KSR1: variants seen among roughly 807,000 people sequenced by gnomAD.
The protein encoded by KSR1 is kinase suppressor of ras 1.
In KSR1, 35 loss-of-function variants were observed where a neutral mutation model predicts 92.9. That is an observed-to-expected ratio of 0.38 (90% CI 0.29 to 0.50). The LOEUF is 0.50. Ranked by LOEUF, KSR1 falls within the 20% of genes least tolerant of loss-of-function variation. The pLI is 0.94. For missense variants in KSR1, 972 were observed against 1,158.5 expected (o/e 0.84, Z 2.34); for synonymous variants, 467 against 472.6 (o/e 0.99, Z 0.15).
chr17:27,494,766 G>A (rs976286279), intron 1 of KSR1, among the ~76,000 whole-genome samples: 3 of 152,208 alleles, frequency 2.0e-5, no homozygotes, highest in East Asian at 1.9e-4. Context: ...CAGCATTGAC[G>A]TCGTGAGAAT....
At chr17:27,552,143 T>A (rs1183532063) in intron 2 of KSR1, among the ~76,000 whole-genome samples, 1 of 152,162 alleles carries the variant, frequency 6.6e-6, no homozygotes, top group Non-Finnish European at 1.5e-5. Flanking sequence ...GATCTAAAGA[T>A]CATCCCCTGC....
At chr17:27,599,120 T>C (rs887326519) in intron 10 of KSR1, among the ~76,000 whole-genome samples, 1 of 152,246 alleles carries the variant, frequency 6.6e-6, no homozygotes, top group Non-Finnish European at 1.5e-5. Flanking sequence ...CTCGGCTGTG[T>C]GGTGTAGCCT....
rs1411850134 is a variant in KSR1 at position 27,605,449 on chromosome 17, G to T, written c.1630G>T (p.Ala544Ser). The change falls in exon 14 of 21, where the codon GCT (alanine) becomes TCT (serine). Residue 544 changes from alanine to serine, a missense_variant. Transcript: ENST00000644974. ...AHEAEAEEPEAGKSEAEDDED... is the reference protein window; with the variant it reads ...AHEAEAEEPESGKSEAEDDED... ...CTCCTTTCAGGCTGAGGAGCCAGAGGCTGGCAAGTCAGAGGCAGAAGACGA... is the reference window on the plus strand; with the variant it reads ...CTCCTTTCAGGCTGAGGAGCCAGAGTCTGGCAAGTCAGAGGCAGAAGACGA... The T allele has an allele frequency of 1.1e-5, 18 of 1,609,792 alleles. No homozygotes were observed. The highest frequency in any genetic ancestry group is 1.4e-5 in the Non-Finnish European group (16 of 1,179,018).
intron 10 of KSR1, among the ~76,000 whole-genome samples, chr17:27,599,577 T>A (rs187317323): frequency 5.3e-4 from 81 of 152,252 alleles, no homozygotes; most frequent in Non-Finnish European, 8.8e-5. Context: ...AATCAGTCAA[T>A]TGTTCTTTAT....
intron 1 of KSR1, among the ~76,000 whole-genome samples, chr17:27,510,328 A>T (rs1257390577): frequency 7.0e-6 from 1 of 143,376 alleles, no homozygotes; most frequent in African/African-American, 2.6e-5. Flanking sequence ...CTTCACCTCA[A>T]TGAGCCTCAG....
intron 11 of KSR1, 115 bp downstream of exon 11, chr17:27,601,516 C>A: frequency 1.2e-6 from 1 of 862,352 alleles, no homozygotes. Flanking sequence ...AGTCTCCCTC[C>A]ACCTGTTCTG....
intron 9 of KSR1, among the ~76,000 whole-genome samples, chr17:27,593,588 C>T (rs2073241593): frequency 6.6e-6 from 1 of 152,212 alleles, no homozygotes; most frequent in African/African-American, 2.4e-5. Context: ...GCCAGGGCCA[C>T]CTCTTACTGT....
At chr17:27,605,859 C>G (rs777553901) in intron 14 of KSR1, 46 bp downstream of exon 14, 11 of 1,604,194 alleles carry the variant, frequency 6.9e-6, no homozygotes, top group Non-Finnish European at 9.4e-6. Flanking sequence ...GCTCAGCCTC[C>G]CCCTTCCCAG....
intron 2 of KSR1, among the ~76,000 whole-genome samples, chr17:27,551,039 T>G (rs2071381329): frequency 3.9e-5 from 6 of 152,240 alleles, no homozygotes; most frequent in Admixed American, 3.9e-4. Flanking sequence ...GTAAGATAGA[T>G]AATCTCACTT....
In KSR1 at chr17:27,550,577, G is replaced by C; in HGVS notation, c.241G>C (p.Val81Leu). ...QEIRTLEAKLVRYICKQRQCK... is the reference protein window; with the variant it reads ...QEIRTLEAKLLRYICKQRQCK... ...TTTGGACTTTCTGCAGGCGAAGCTG[G>C]TCCGTTACATTTGTAAGCAGAGGCA... is the stretch of plus-strand genomic sequence containing the variant. Residue 81 changes from valine to leucine, a missense_variant, in exon 2 of 21, where the codon GTC becomes CTC. By Grantham distance (32) the Val-to-Leu change is conservative (BLOSUM62 1). This residue lies in a region of KSR1 where 611 missense variants were observed against 668.0 expected (regional missense o/e 0.91). Transcript: ENST00000644974. The C allele has an allele frequency of 1.3e-6, 1 of 764,906 alleles. No homozygotes were observed. The highest frequency in any genetic ancestry group is 2.4e-6 in the Non-Finnish European group (1 of 417,640). 47.4% of individuals were successfully genotyped at this position (764,906 alleles called of 1,614,324 possible). A position where few individuals can be genotyped will look rare whatever the true frequency, so the allele number is the denominator to read the frequency against.
At chr17:27,601,170 G>A (rs951559071) in intron 10 of KSR1, 190 bp from the exon 11 acceptor site, 4 of 590,060 alleles carry the variant, frequency 6.8e-6, no homozygotes, top group Non-Finnish European at 1.2e-5. Context: ...ACTCCTGCCA[G>A]GGCCCATTTT....
rs2071749067 is a variant in KSR1 at position 27,559,834 on chromosome 17, A to C, written c.372+9126A>C. On this transcript the variant is annotated intron_variant, in intron 2 of 20. Transcript: ENST00000644974. The surrounding 1 kb of genome is among the most constrained non-coding windows in gnomAD (Gnocchi z 4.2). ...CAGAGCGCTTGTGAAGCGCGTGAGG[A>C]GGAGTCTGTGAGGAGGCTGGCGGGG... Among the ~76,000 whole-genome samples the C allele has an allele frequency of 6.6e-6, 1 of 152,206 alleles. No individual in the cohort carries two copies. Among genetic ancestry groups the C allele is most frequent in the Non-Finnish European group, 1.5e-5 (1 of 68,036 alleles).
intron 2 of KSR1, among the ~76,000 whole-genome samples, chr17:27,566,190 C>G (rs892849804): frequency 4.6e-5 from 7 of 152,146 alleles, no homozygotes; most frequent in African/African-American, 1.4e-4. Context: ...GGGAAAACCT[C>G]TTGGTGGCCT....
chr17:27,552,129 A>C (rs1416833843), intron 2 of KSR1, among the ~76,000 whole-genome samples: 1 of 152,076 alleles, frequency 6.6e-6, no homozygotes, highest in Non-Finnish European at 1.5e-5. Context: ...GTCCCTGGTG[A>C]TGTGATCTAA....
At chr17:27,502,717 G>A (rs1172532712) in intron 1 of KSR1, among the ~76,000 whole-genome samples, 4 of 152,188 alleles carry the variant, frequency 2.6e-5, no homozygotes, top group African/African-American at 9.7e-5. Context: ...CCGTAATCAC[G>A]GCACAGATGT....
At chr17:27,529,259 A>G (rs576650684) in intron 1 of KSR1, among the ~76,000 whole-genome samples, 1 of 152,310 alleles carries the variant, frequency 6.6e-6, no homozygotes, top group South Asian at 2.1e-4. Flanking sequence ...GCCTCATATG[A>G]TTAAGTACAC....
intron 9 of KSR1, among the ~76,000 whole-genome samples, chr17:27,595,513 T>A (rs1450541342): frequency 1.3e-5 from 2 of 152,250 alleles, no homozygotes; most frequent in Non-Finnish European, 2.9e-5. Context: ...GTCACCCAGC[T>A]AAGTGGTGGT....
chr17:27,534,563 G>T (rs2948538), intron 1 of KSR1, among the ~76,000 whole-genome samples: 62,243 of 152,042 alleles, frequency 0.41, 13,415 homozygotes, highest in African/African-American at 0.54. Context: ...TTGAACCCGG[G>T]TCTGTTGGCC....
At chr17:27,605,253 T>A (rs2073709632) in intron 13 of KSR1, among the ~76,000 whole-genome samples, 181 bp from the exon 14 acceptor site, 1 of 152,242 alleles carries the variant, frequency 6.6e-6, no homozygotes, top group East Asian at 1.9e-4. Flanking sequence ...GATGAGGACA[T>A]TGAGGTCCAC....
Sources: gnomAD v4.1 joint callset for allele counts (sites outside exome capture counted in the v4.1 genomes callset) on GRCh38, gnomAD v4.1.1 for gene constraint, gnomAD v4.1.1 regional missense constraint, Gnocchi (gnomAD v3.1) non-coding constraint, MANE v1.5 for transcripts, NCBI Gene and HGNC (gene_info 2026-07-23, HGNC 2026-07-21) for gene names.